ROBO2: variants seen among roughly 807,000 people sequenced by gnomAD.
ROBO2 encodes the protein roundabout guidance receptor 2.
A neutral mutation model predicts 160.8 loss-of-function variants in ROBO2; 53 were observed. The ratio of observed to expected loss-of-function variants is 0.33; its 90% CI spans 0.26 to 0.41. The LOEUF (loss-of-function observed/expected upper bound fraction) is 0.41, where lower values mean the gene tolerates loss of function less well. ROBO2 is among the 10% of genes least tolerant of loss of function. The pLI is 1.00. For synonymous variants in ROBO2, 664 were observed against 611.7 expected (o/e 1.09, Z -1.26); for missense variants, 1,577 against 1,722.4 (o/e 0.92, Z 1.49).
At chr3:76,361,485 T>C (rs538418946) in intron 2 of ROBO2, among the ~76,000 whole-genome samples, 7 of 152,158 alleles carry the variant, frequency 4.6e-5, no homozygotes, top group East Asian at 1.9e-4. Flanking sequence ...AAGATGGAAA[T>C]AAAATAAGAG....
intron 2 of ROBO2, among the ~76,000 whole-genome samples, chr3:77,393,201 T>A (rs2074924686): frequency 6.6e-6 from 1 of 152,188 alleles, no homozygotes; most frequent in African/African-American, 2.4e-5. Flanking sequence ...TTATTCTGTC[T>A]GCCTATAGAA....
At chr3:76,834,039 C>CTTTCTTT (rs1559574511) in intron 2 of ROBO2, among the ~76,000 whole-genome samples, 7 of 17,066 alleles carry the variant, frequency 4.1e-4, no homozygotes, top group Admixed American at 7.0e-4. Flanking sequence ...TTCTTTCTTT[C>CTTTCTTT]CTTTCTTTCT....
intron 2 of ROBO2, among the ~76,000 whole-genome samples, chr3:76,065,388 G>A (rs9833136): frequency 0.64 from 97,110 of 151,874 alleles, 31,683 homozygotes; most frequent in Middle Eastern, 0.77. Context: ...AAAAAACTGT[G>A]TATATGATTC....
chr3:76,853,750 T>C lies in ROBO2; in HGVS notation c.110-244264T>C, dbSNP rs145706414. Among the ~76,000 whole-genome samples, 670 of 152,248 alleles carry C rather than the reference T, an allele frequency of 4.4e-3. 2 individuals carry two copies. The highest frequency in any genetic ancestry group is 6.8e-3 in the Middle Eastern group (2 of 294). ...TCAACATTTTAATCTTTAAATATTG[T>C]CGTTTGTTCTGTCTCAGTATAAACT... On this transcript the variant is annotated intron_variant, in intron 2 of 26. Transcript: ENST00000487694.
intron 2 of ROBO2, among the ~76,000 whole-genome samples, chr3:77,324,638 GGT>G (rs1485972779): frequency 1.5e-5 from 2 of 135,322 alleles, no homozygotes; most frequent in African/African-American, 6.3e-5. Flanking sequence ...AAATTAGCCG[GGT>G]GCAGTGGTGA....
chr3:76,051,225 C>A (rs886600064), intron 2 of ROBO2, among the ~76,000 whole-genome samples: 1 of 150,866 alleles, frequency 6.6e-6, no homozygotes, highest in African/African-American at 2.5e-5. Flanking sequence ...ACATTTTCTT[C>A]GTGTCTGTTT....
intron 1 of ROBO2, among the ~76,000 whole-genome samples, chr3:77,063,330 T>G (rs1172801726): frequency 6.6e-6 from 1 of 152,076 alleles, no homozygotes; most frequent in African/African-American, 2.4e-5. Context: ...GATTTGATAA[T>G]GTGAAGATGG....
At chr3:77,212,661 A>G (rs929398857) in intron 2 of ROBO2, among the ~76,000 whole-genome samples, 10 of 152,290 alleles carry the variant, frequency 6.6e-5, no homozygotes, top group African/African-American at 2.4e-4. Context: ...CCAGTTTTCA[A>G]AGGGAATGCT....
At chr3:77,607,897 T>A (rs776546218) in exon 21 of ROBO2, 2 of 1,613,430 alleles carry the variant, frequency 1.2e-6, no homozygotes, top group South Asian at 1.1e-5. Flanking sequence ...CCCCCCCCAG[T>A]CCAGCCCCTT....
At position 77,237,411 on chromosome 3, in the gene ROBO2, T is replaced by TTGTGTGTGTATGTGTGTG. The variant is rs1553862750; in HGVS notation, c.388+139080_388+139081insATGTGTGTGTGTGTGTGT. ...TTTCCTGTTTTTGTTTTGTTTTGTT[T>TTGTGTGTGTATGTGTGTG]TGTGTGTGTGTGTGTGTGTGTGTGT... On this transcript the variant is annotated intron_variant, in intron 2 of 25. Transcript: ENST00000461745. 5.2e-3 allele frequency among the ~76,000 whole-genome samples: 679 copies of TTGTGTGTGTATGTGTGTG among 131,118 alleles called. 9 individuals are homozygous for TTGTGTGTGTATGTGTGTG. The highest frequency in any genetic ancestry group is 0.018 in the African/African-American group (632 of 36,052). The allele number at this position is 131,118 out of a possible 152,430, so 86.0% of individuals were successfully genotyped here.
chr3:77,512,566 C>G (rs951006652), intron 5 of ROBO2, among the ~76,000 whole-genome samples: 1 of 151,836 alleles, frequency 6.6e-6, no homozygotes, highest in African/African-American at 2.4e-5. Context: ...TATAAAAAAT[C>G]AGTACAGGGT....
intron 2 of ROBO2, among the ~76,000 whole-genome samples, chr3:77,329,531 T>C (rs1287671730): frequency 6.6e-6 from 1 of 152,174 alleles, no homozygotes; most frequent in Non-Finnish European, 1.5e-5. Context: ...ACCTGGCAGC[T>C]TTTTGTCAAT....
chr3:76,388,493 C>G (rs2076999827), intron 2 of ROBO2, among the ~76,000 whole-genome samples: 1 of 151,944 alleles, frequency 6.6e-6, no homozygotes, highest in South Asian at 2.1e-4. Context: ...GGATGGTCTC[C>G]ATCTCCTGAC....
chr3:76,503,218 C>A (rs1265377488), intron 2 of ROBO2, among the ~76,000 whole-genome samples: 1 of 152,040 alleles, frequency 6.6e-6, no homozygotes, highest in East Asian at 1.9e-4. Flanking sequence ...GGAGGCTAGG[C>A]CCGTCTCTCC....
chr3:77,242,935 AAG>A (rs1194477254), intron 2 of ROBO2, among the ~76,000 whole-genome samples: 2 of 151,276 alleles, frequency 1.3e-5, no homozygotes, highest in South Asian at 2.1e-4. Context: ...CAGAAAAGGA[AAG>A]AGAGAGAGAG....
At chr3:76,799,403 G>A (rs1434794394) in intron 2 of ROBO2, among the ~76,000 whole-genome samples, 1 of 151,876 alleles carries the variant, frequency 6.6e-6, no homozygotes, top group African/African-American at 2.4e-5. Flanking sequence ...GAAAGTAAAT[G>A]CATCCAAACT....
intron 2 of ROBO2, among the ~76,000 whole-genome samples, chr3:77,239,625 T>C (rs2151354009): frequency 6.6e-6 from 1 of 152,300 alleles, no homozygotes; most frequent in East Asian, 1.9e-4. Flanking sequence ...TTTGACAGGG[T>C]GCCGATTGGT....
At chr3:77,589,049 A>T (rs1487275529) in intron 17 of ROBO2, 116 bp downstream of exon 18, 1 of 1,167,698 alleles carries the variant, frequency 8.6e-7, no homozygotes, top group Non-Finnish European at 1.3e-6. Flanking sequence ...AGAAACCTGC[A>T]CTGTAAAATG....
intron 2 of ROBO2, among the ~76,000 whole-genome samples, chr3:77,179,098 G>A (rs1241896054): frequency 1.3e-5 from 2 of 151,818 alleles, no homozygotes; most frequent in African/African-American, 4.8e-5. Context: ...ATATTGCTTA[G>A]AAACACTGAA....
Sources: allele counts gnomAD v4.1 joint callset (sites outside exome capture counted in the v4.1 genomes callset), GRCh38; gene constraint gnomAD v4.1.1; transcripts MANE v1.5; gene names NCBI Gene and HGNC (gene_info 2026-07-23, HGNC 2026-07-21).